Variants in ACER1 observed in about 807,000 individuals in gnomAD.
ACER1 encodes CTB-180A7.3.
In ACER1, 28 loss-of-function variants were observed where a neutral mutation model predicts 24.9. The ratio of observed to expected loss-of-function variants is 1.13; its 90% CI spans 0.83 to 1.54. ACER1 has a LOEUF of 1.54. Among genes scored for constraint, ACER1 ranks in the 40% most tolerant of loss-of-function variants. The probability of loss-of-function intolerance (pLI) is 0.00; values close to 1 mark genes in which losing one functional copy is unlikely to be tolerated. For missense variants in ACER1, 352 were observed against 349.3 expected (o/e 1.01, Z -0.06); for synonymous variants, 132 against 131.4 (o/e 1.00, Z -0.03).
the ACER1 span, among the ~76,000 whole-genome samples, chr19:6,348,465 GAAA>G: frequency 2.0e-5 from 2 of 101,898 alleles, no homozygotes; most frequent in Non-Finnish European, 2.0e-5. Flanking sequence ...ACTCCATCTG[GAAA>G]AAAAAAAAAA....
chr19:6,341,791 G>A, the ACER1 span, among the ~76,000 whole-genome samples: 1 of 152,012 alleles, frequency 6.6e-6, no homozygotes. Flanking sequence ...ACCATGCCCG[G>A]CTAATTTTTT....
chr19:6,307,416 G>A, intron 4 of ACER1, 126 bp from the exon 5 acceptor site: 1 of 1,121,510 alleles, frequency 8.9e-7, no homozygotes, highest in South Asian at 1.6e-5. Context: ...CAGGAATTGA[G>A]GGTGCAAGCA....
chr19:6,330,774 G>A (rs535751427), intron 1 of ACER1, among the ~76,000 whole-genome samples: 1 of 149,842 alleles, frequency 6.7e-6, no homozygotes, highest in African/African-American at 2.5e-5. Context: ...TTAGAGGTGG[G>A]ACTACTGAGG....
At chr19:6,322,599 C>G (rs2091636428) in intron 1 of ACER1, among the ~76,000 whole-genome samples, 1 of 152,264 alleles carries the variant, frequency 6.6e-6, no homozygotes, top group Admixed American at 6.5e-5. Flanking sequence ...TGTCTGGGCT[C>G]TGCAACCTCA....
the ACER1 span, among the ~76,000 whole-genome samples, chr19:6,342,536 G>A: frequency 6.6e-6 from 1 of 151,670 alleles, no homozygotes; most frequent in Non-Finnish European, 1.5e-5. Context: ...TGGCTAACAT[G>A]GTGAAACCCC....
chr19:6,348,749 A>G, the ACER1 span, among the ~76,000 whole-genome samples: 1 of 151,952 alleles, frequency 6.6e-6, no homozygotes, highest in Admixed American at 6.6e-5. Context: ...TTGGGAATTC[A>G]CAGTTGTCAA....
chr19:6,347,738 A>G, the ACER1 span, among the ~76,000 whole-genome samples: 1 of 152,018 alleles, frequency 6.6e-6, no homozygotes, highest in Non-Finnish European at 1.5e-5. Flanking sequence ...CGGGAGGCTG[A>G]GGCAGGAGAA....
At chr19:6,312,123 G>A (rs775404468) in intron 3 of ACER1, 26 bp downstream of exon 3, 11 of 1,610,180 alleles carry the variant, frequency 6.8e-6, no homozygotes, top group African/African-American at 2.7e-5. Context: ...ACCCCACCCT[G>A]TCCAGATGGC....
intron 1 of ACER1, among the ~76,000 whole-genome samples, chr19:6,325,648 G>A (rs8104835): frequency 0.25 from 38,473 of 152,010 alleles, 6,698 homozygotes; most frequent in African/African-American, 0.48. Flanking sequence ...GCCAGACTCC[G>A]CCTCAAAACA....
At chr19:6,322,613 C>G (rs1452917923) in intron 1 of ACER1, among the ~76,000 whole-genome samples, 1 of 152,110 alleles carries the variant, frequency 6.6e-6, no homozygotes, top group African/African-American at 2.4e-5. Context: ...AACCTCAACC[C>G]CAGACTCAGC....
chr19:6,344,295 T>C, the ACER1 span, among the ~76,000 whole-genome samples: 1 of 151,070 alleles, frequency 6.6e-6, no homozygotes, highest in Non-Finnish European at 1.5e-5. Context: ...TATATATATA[T>C]TAGCCAGGCA....
intron 4 of ACER1, among the ~76,000 whole-genome samples, chr19:6,308,115 C>T (rs2091560773): frequency 6.6e-6 from 1 of 151,416 alleles, no homozygotes; most frequent in African/African-American, 2.4e-5. Context: ...AAACAAGTAA[C>T]AATAATAAAT....
the ACER1 span, among the ~76,000 whole-genome samples, chr19:6,340,781 CGGGGGAGAGCTCTTCCCCCGCTA>C: frequency 1.3e-5 from 2 of 151,948 alleles, no homozygotes; most frequent in South Asian, 2.1e-4. Flanking sequence ...GGGTGGGAGC[CGGGGGAGAGCTCTTCCCCCGCTA>C]GGGGGAGAGA....
At chr19:6,355,343 T>C in the ACER1 span, among the ~76,000 whole-genome samples, 2 of 140,090 alleles carry the variant, frequency 1.4e-5, no homozygotes, top group African/African-American at 5.9e-5. Context: ...GTGAGGAGCG[T>C]CTCTGCCTGG....
Position 6,306,155 on chromosome 19 carries a change from C to T in ACER1, c.*559G>A, listed in dbSNP as rs1487140931. 1 of 152,392 alleles carries T rather than the reference C, an allele frequency of 6.6e-6. No homozygotes were observed. The highest frequency in any genetic ancestry group is 1.5e-5 in the Non-Finnish European group (1 of 68,174). The allele number at this position is 152,392 out of a possible 1,614,324, so 9.4% of individuals were successfully genotyped here. On this transcript the variant is annotated 3_prime_UTR_variant, in exon 6 of 6. Transcript: ENST00000301452. Reference sequence around the variant, plus strand: ...CTCTGCCTCCTGGGTTCAAGCGATTCTCCTGCCTCAGCCTCCCAAGTAGCT... The same window carrying T: ...CTCTGCCTCCTGGGTTCAAGCGATTTTCCTGCCTCAGCCTCCCAAGTAGCT...
intron 1 of ACER1, among the ~76,000 whole-genome samples, chr19:6,321,987 T>C (rs1327728298): frequency 6.6e-6 from 1 of 152,148 alleles, no homozygotes; most frequent in Non-Finnish European, 1.5e-5. Flanking sequence ...CTGCAATTCT[T>C]GTTGAATAAA....
upstream of ACER1, among the ~76,000 whole-genome samples, chr19:6,337,309 A>G (rs2091718022): frequency 6.6e-6 from 1 of 152,156 alleles, no homozygotes; most frequent in Non-Finnish European, 1.5e-5. Flanking sequence ...GACAAAAAAG[A>G]AAAGAAAAGC....
the ACER1 span, among the ~76,000 whole-genome samples, chr19:6,343,155 C>T: frequency 6.6e-6 from 1 of 152,098 alleles, no homozygotes. Flanking sequence ...TATGAAGAGG[C>T]CAACCACTTT....
At chr19:6,342,358 G>A in the ACER1 span, among the ~76,000 whole-genome samples, 1,970 of 148,744 alleles carry the variant, frequency 0.013, 18 homozygotes, top group Non-Finnish European at 0.021. Flanking sequence ...GTTTGAGTTC[G>A]AGACCAGCCT....
Sources: gnomAD v4.1 joint callset for allele counts (sites outside exome capture counted in the v4.1 genomes callset) on GRCh38, gnomAD v4.1.1 for gene constraint, MANE v1.5 for transcripts, NCBI Gene and HGNC (gene_info 2026-07-23, HGNC 2026-07-21) for gene names.